Variants in BBS5 observed in about 807,000 individuals in gnomAD.
The protein encoded by BBS5 is BBSome complex member BBS5.
Under a neutral mutation model 50.2 loss-of-function variants are expected in BBS5, and 39 were observed. The ratio of observed to expected loss-of-function variants is 0.78; its 90% CI spans 0.60 to 1.01. BBS5 has a LOEUF of 1.01. Ranked by LOEUF, BBS5 falls within the 50% of genes least tolerant of loss-of-function variation. BBS5 has a pLI of 0.00. For synonymous variants in BBS5, 134 were observed against 133.1 expected (o/e 1.01, Z -0.05); for missense variants, 356 against 401.5 (o/e 0.89, Z 0.97).
chr2:169,500,463 G>C (rs1471268231), intron 9 of BBS5, among the ~76,000 whole-genome samples: 3 of 152,134 alleles, frequency 2.0e-5, no homozygotes, highest in Non-Finnish European at 4.4e-5. Context: ...TCTCTGTCCT[G>C]GTCCCATCAC....
intron 2 of BBS5, among the ~76,000 whole-genome samples, chr2:169,486,108 C>T (rs1683484670): frequency 6.6e-6 from 1 of 152,206 alleles, no homozygotes; most frequent in Non-Finnish European, 1.5e-5. Context: ...CCACAGTCTC[C>T]CTTGAGAATG....
intron 10 of BBS5, 86 bp downstream of exon 10, chr2:169,503,264 A>ATTATTT: frequency 1.9e-6 from 2 of 1,073,984 alleles, no homozygotes; most frequent in Non-Finnish European, 2.8e-6. Context: ...GTGAAACACC[A>ATTATTT]TATAACTTGA....
In BBS5 at chr2:169,504,805, C is replaced by T. The variant is rs150152332; in HGVS notation, c.*223C>T. On this transcript the variant is annotated 3_prime_UTR_variant, in exon 12 of 12. Coordinates refer to ENST00000295240, the MANE Select transcript of BBS5 (RefSeq NM_152384.3). ...ACACATGGCCTAGTAACCGTCCGGC[C>T]GCGGCGCTGGCTTAAGCCATGGCTG... The T allele has an allele frequency of 7.7e-6, 12 of 1,559,490 alleles. No homozygotes were observed. The highest frequency in any genetic ancestry group is 5.5e-5 in the Admixed American group (3 of 54,134).
At chr2:169,493,086 T>C (rs1358712688) in intron 6 of BBS5, 77 bp downstream of exon 6, 3 of 1,500,610 alleles carry the variant, frequency 2.0e-6, no homozygotes, top group Non-Finnish European at 2.8e-6. Flanking sequence ...TGGATTTATA[T>C]AGTCAATTCT....
At chr2:169,484,912 T>C (rs149601315) in intron 2 of BBS5, among the ~76,000 whole-genome samples, 2 of 152,214 alleles carry the variant, frequency 1.3e-5, no homozygotes, top group Non-Finnish European at 2.9e-5. Flanking sequence ...TTAGGCAGGG[T>C]AGAGAGGAAA....
At chr2:169,496,006 G>A (rs533687569) in intron 7 of BBS5, among the ~76,000 whole-genome samples, 2 of 152,350 alleles carry the variant, frequency 1.3e-5, no homozygotes, top group South Asian at 4.1e-4. Context: ...TAGCCCAGAT[G>A]AAAGGCCAGG....
chr2:169,492,258 G>T (rs956581275), intron 5 of BBS5, among the ~76,000 whole-genome samples: 1 of 151,858 alleles, frequency 6.6e-6, no homozygotes, highest in Non-Finnish European at 1.5e-5. Flanking sequence ...TTGGGAGGCC[G>T]AGGCGGGCAG....
chr2:169,484,121 G>T (rs1683448809), intron 2 of BBS5, among the ~76,000 whole-genome samples: 1 of 152,196 alleles, frequency 6.6e-6, no homozygotes, highest in South Asian at 2.1e-4. Context: ...AATGGCTCTT[G>T]CCTATAATTC....
rs185212078 is a variant in BBS5 at position 169,484,239 on chromosome 2, C to T, written c.142+1906C>T. Among the ~76,000 whole-genome samples the T allele has an allele frequency of 1.5e-3, 221 of 152,132 alleles. 1 individual carries two copies. Among genetic ancestry groups the T allele is most frequent in the African/African-American group, 5.0e-3 (207 of 41,502 alleles). ...TCTACAGAAAATAAAAAGAATTAGC[C>T]ATGTGTGGTGTTGTGCGCCTGTGGC... On this transcript the variant is annotated intron_variant, in intron 2 of 11. Transcript: ENST00000295240.
chr2:169,483,823 G>T (rs1683443152), intron 2 of BBS5, among the ~76,000 whole-genome samples: 1 of 152,130 alleles, frequency 6.6e-6, no homozygotes, highest in Admixed American at 6.5e-5. Flanking sequence ...GGAGTATGAA[G>T]ATCTGGCAGC....
At position 169,479,614 on chromosome 2, in the gene BBS5, TGA is replaced by T; in HGVS notation, c.59+4_59+5del. The T allele has an allele frequency of 6.2e-7, 1 of 1,614,138 alleles. No homozygotes were observed. The highest frequency in any genetic ancestry group is 2.2e-5 in the East Asian group (1 of 44,864). On this transcript the variant is annotated splice_donor_region_variant and intron_variant, in intron 1 of 11. Coordinates refer to ENST00000295240, the MANE Select transcript of BBS5 (RefSeq NM_152384.3). ...TGTCCGTTTCGACCTGTCCGCGCAG[TGA>T]GTTTCCAAGATTCCCGAGGGATCTT...
At chr2:169,503,019 A>G (rs1683837008) in intron 9 of BBS5, 76 bp from the exon 10 acceptor site, 2 of 1,068,064 alleles carry the variant, frequency 1.9e-6, no homozygotes, top group African/African-American at 1.6e-5. Context: ...TGTAATTGTT[A>G]TTTTAACAGT....
chr2:169,497,576 CTA>C, intron 7 of BBS5, 49 bp from the exon 8 acceptor site: 4 of 1,058,966 alleles, frequency 3.8e-6, no homozygotes, highest in Non-Finnish European at 5.9e-6. Context: ...TAAAGAGTCA[CTA>C]TTCAGTTAAT....
rs1361023580 is a variant in BBS5 at position 169,505,652 on chromosome 2, G to A, written c.*1070G>A. On this transcript the variant is annotated 3_prime_UTR_variant, in exon 12 of 12. Coordinates refer to ENST00000295240, the MANE Select transcript of BBS5 (RefSeq NM_152384.3). ...AGGAGCAACTCTGCCCAGCCGCCCC[G>A]TCTGAGAAGTGAGGAGACCCTCCGC... 13 of 235,798 alleles carry A rather than the reference G, an allele frequency of 5.5e-5. No individual in the cohort carries two copies. The highest frequency in any genetic ancestry group is 2.6e-4 in the Admixed American group (5 of 18,904). 14.6% of individuals were successfully genotyped at this position (235,798 alleles called of 1,614,324 possible).
intron 3 of BBS5, 28 bp from the exon 4 acceptor site, chr2:169,487,778 C>A: frequency 6.4e-7 from 1 of 1,561,870 alleles, no homozygotes; most frequent in African/African-American, 1.4e-5. Flanking sequence ...ATATCATGCT[C>A]TTTACATTCT....
At chr2:169,499,662 T>C (rs1683763717) in intron 9 of BBS5, 42 bp downstream of exon 9, 5 of 1,599,884 alleles carry the variant, frequency 3.1e-6, no homozygotes, top group Non-Finnish European at 4.3e-6. Context: ...CATTGCTTTA[T>C]GCAGTCTATA....
intron 5 of BBS5, 135 bp from the exon 6 acceptor site, chr2:169,492,738 TA>T (rs1683621933): frequency 2.3e-6 from 2 of 851,430 alleles, no homozygotes; most frequent in Non-Finnish European, 3.5e-6. Context: ...TAAAAAGAAA[TA>T]AAAATATTAA....
intron 2 of BBS5, 77 bp downstream of exon 2, chr2:169,482,410 T>A (rs947577021): frequency 1.1e-6 from 1 of 929,786 alleles, no homozygotes; most frequent in Non-Finnish European, 1.8e-6. Context: ...AGAGAATATA[T>A]GAAACAGCAT....
In BBS5 at chr2:169,480,205, T is replaced by G. The variant is rs183186906; in HGVS notation, c.59+593T>G. Among the ~76,000 whole-genome samples the G allele has an allele frequency of 1.1e-3, 174 of 152,120 alleles. 2 individuals carry two copies. The highest frequency in any genetic ancestry group is 3.4e-3 in the Middle Eastern group (1 of 294). The stretch of plus-strand genomic sequence containing the variant: ...CATATCAGTCACCAACAAGAAGGAG[T>G]CTTCTTTTGCAACCTGTTTTTGGAA... On this transcript the variant is annotated intron_variant, in intron 1 of 11. Coordinates refer to ENST00000295240, the MANE Select transcript of BBS5 (RefSeq NM_152384.3).
Sources: gnomAD v4.1 joint callset for allele counts (sites outside exome capture counted in the v4.1 genomes callset) on GRCh38, gnomAD v4.1.1 for gene constraint, MANE v1.5 for transcripts, NCBI Gene and HGNC (gene_info 2026-07-23, HGNC 2026-07-21) for gene names.